The following PPFIA2 variants were observed in gnomAD, a reference collection of about 807,000 sequenced individuals.
The protein encoded by PPFIA2 is liprin-alpha-2.
In PPFIA2, 46 loss-of-function variants were observed where a neutral mutation model predicts 175.5. That is an observed-to-expected ratio of 0.26 (90% CI 0.21 to 0.34). PPFIA2 has a LOEUF of 0.34. PPFIA2 is among the 10% of genes least tolerant of loss of function. PPFIA2 has a pLI of 1.00. For missense variants in PPFIA2, 1,179 were observed against 1,506.1 expected (o/e 0.78, Z 3.60); for synonymous variants, 568 against 511.4 (o/e 1.11, Z -1.49).
At position 81,258,311 on chromosome 12, in the gene PPFIA2, T is replaced by C. The variant is rs2034406422; in HGVS notation, c.*1383A>G. 1 of 152,154 alleles carries C rather than the reference T, an allele frequency of 6.6e-6. No homozygotes were observed. The highest frequency in any genetic ancestry group is 2.4e-5 in the African/African-American group (1 of 41,440). 9.4% of individuals were successfully genotyped at this position (152,154 alleles called of 1,614,324 possible). A position where few individuals can be genotyped will look rare whatever the true frequency, so the allele number is the denominator to read the frequency against. The stretch of plus-strand genomic sequence containing the variant: ...TTGACAATGGAAAGGGTTTCTGTTA[T>C]CATTACCTTTTGACTGAATCTGTTA... On this transcript the variant is annotated 3_prime_UTR_variant, in exon 33 of 33. Coordinates refer to ENST00000549396, the MANE Select transcript of PPFIA2 (RefSeq NM_003625.5).
chr12:81,601,193 A>C (rs539815364), intron 4 of PPFIA2, among the ~76,000 whole-genome samples: 4 of 152,066 alleles, frequency 2.6e-5, no homozygotes, highest in East Asian at 1.9e-4. Flanking sequence ...ATATATAATT[A>C]TTTTAAGTAC....
intron 4 of PPFIA2, among the ~76,000 whole-genome samples, chr12:81,629,370 C>G (rs2063101542): frequency 6.6e-6 from 1 of 151,924 alleles, no homozygotes; most frequent in Non-Finnish European, 1.5e-5. Flanking sequence ...TTCAGTAAAT[C>G]AATAATTAGT....
chr12:81,294,806 A>C lies in PPFIA2; in HGVS notation c.2925+29T>G. 3 of 1,603,320 alleles carry C rather than the reference A, an allele frequency of 1.9e-6. No homozygotes were observed. In the East Asian group the frequency reaches 6.7e-5, roughly 36 times the overall value. ...ACACACGGCTATTTGCCTAGCACTG[A>C]GGAAGGGGAGGAGCAGAAACTGACT... On this transcript the variant is annotated intron_variant, in intron 24 of 32. Transcript: ENST00000549396.
chr12:81,732,755 C>T (rs1049986262), intron 3 of PPFIA2, among the ~76,000 whole-genome samples: 2 of 151,434 alleles, frequency 1.3e-5, no homozygotes, highest in African/African-American at 2.4e-5. Flanking sequence ...TAGTATGCTT[C>T]TAATTTTGAG....
intron 3 of PPFIA2, among the ~76,000 whole-genome samples, chr12:81,751,335 A>G (rs2083740349): frequency 6.6e-6 from 1 of 151,978 alleles, no homozygotes; most frequent in Non-Finnish European, 1.5e-5. Flanking sequence ...TCTGAAATTG[A>G]TATTTGATTT....
intron 3 of PPFIA2, among the ~76,000 whole-genome samples, chr12:81,737,414 T>G (rs1161637635): frequency 1.3e-5 from 2 of 152,008 alleles, no homozygotes; most frequent in Admixed American, 6.6e-5. Context: ...TTAAGATCAC[T>G]GTTTTTCCAG....
intron 6 of PPFIA2, among the ~76,000 whole-genome samples, chr12:81,442,229 C>A (rs1382725551): frequency 6.6e-6 from 1 of 151,828 alleles, no homozygotes; most frequent in Non-Finnish European, 1.5e-5. Flanking sequence ...AGTAATAAAT[C>A]TAAAACTGTT....
chr12:81,354,420 C>T (rs1319685914), intron 16 of PPFIA2, among the ~76,000 whole-genome samples: 1 of 152,162 alleles, frequency 6.6e-6, no homozygotes, highest in Non-Finnish European at 1.5e-5. Context: ...GGAGTAGATT[C>T]CATCTCAAGA....
chr12:81,385,315 C>T (rs947709812), intron 8 of PPFIA2, among the ~76,000 whole-genome samples: 5 of 152,030 alleles, frequency 3.3e-5, no homozygotes, highest in African/African-American at 1.2e-4. Context: ...CTCAAAAAAT[C>T]AAAATTATCA....
rs187727038 is a variant in PPFIA2 at position 81,278,225 on chromosome 12, C to T, written c.3213-811G>A. 9.2e-5 allele frequency among the ~76,000 whole-genome samples: 14 copies of T among 152,106 alleles called. No homozygotes were observed. In the East Asian group the frequency reaches 1.4e-3, roughly 15 times the overall value. On this transcript the variant is annotated intron_variant, in intron 27 of 32. Coordinates refer to ENST00000549396, the MANE Select transcript of PPFIA2 (RefSeq NM_003625.5). ...TGATACAGAATTATTGGACAATTTT[C>T]GGAGGAGGAAGAGGTGACAATAAAG...
chr12:81,515,314 G>C (rs1829717), intron 4 of PPFIA2, among the ~76,000 whole-genome samples: 59,938 of 151,624 alleles, frequency 0.4, 12,517 homozygotes, highest in African/African-American at 0.52. Context: ...GATAGAAAGC[G>C]TGCTGTGTTT....
At chr12:81,528,952 T>G (rs2064103650) in intron 4 of PPFIA2, among the ~76,000 whole-genome samples, 1 of 152,232 alleles carries the variant, frequency 6.6e-6, no homozygotes, top group South Asian at 2.1e-4. Flanking sequence ...ATGACATTTT[T>G]AGTGTCAGTA....
chr12:81,617,319 C>T (rs771733838), intron 4 of PPFIA2, among the ~76,000 whole-genome samples: 25 of 152,154 alleles, frequency 1.6e-4, no homozygotes, highest in Non-Finnish European at 3.4e-4. Context: ...CCAGTGTCGC[C>T]TCTGTCATGT....
intron 5 of PPFIA2, among the ~76,000 whole-genome samples, chr12:81,448,700 CA>C (rs770646510): frequency 6.6e-5 from 10 of 152,174 alleles, no homozygotes; most frequent in Non-Finnish European, 1.2e-4. Context: ...TCCATGTCCC[CA>C]CAACAGGGGT....
chr12:81,302,100 GTTTATA>G (rs2138433020), intron 22 of PPFIA2: 1 of 330,528 alleles, frequency 3.0e-6, no homozygotes, highest in African/African-American at 2.2e-5. Flanking sequence ...GCCAATCAGT[GTTTATA>G]TTTAGGTGCT....
intron 4 of PPFIA2, among the ~76,000 whole-genome samples, chr12:81,619,989 C>T (rs898060716): frequency 6.6e-6 from 1 of 151,890 alleles, no homozygotes; most frequent in African/African-American, 2.4e-5. Context: ...GAAACCCCGT[C>T]TCTACTGAAA....
intron 22 of PPFIA2, among the ~76,000 whole-genome samples, chr12:81,323,894 T>C (rs1250181321): frequency 1.3e-5 from 2 of 152,040 alleles, no homozygotes; most frequent in Admixed American, 1.3e-4. Flanking sequence ...TAATCAATAA[T>C]AAGGGAAATA....
At chr12:81,477,314 T>A (rs1337273178) in intron 4 of PPFIA2, among the ~76,000 whole-genome samples, 1 of 152,132 alleles carries the variant, frequency 6.6e-6, no homozygotes, top group Non-Finnish European at 1.5e-5. Context: ...TTTCAATTAT[T>A]TGAAAAGGCT....
intron 3 of PPFIA2, among the ~76,000 whole-genome samples, chr12:81,698,110 CTG>C (rs1215319453): frequency 1.3e-5 from 2 of 152,104 alleles, no homozygotes; most frequent in Non-Finnish European, 2.9e-5. Flanking sequence ...AAGACTTACT[CTG>C]AGAATTTCTG....
Sources: allele counts gnomAD v4.1 joint callset (sites outside exome capture counted in the v4.1 genomes callset), GRCh38; gene constraint gnomAD v4.1.1; transcripts MANE v1.5; gene names NCBI Gene and HGNC (gene_info 2026-07-23, HGNC 2026-07-21).